ACTN1: variants seen among roughly 807,000 people sequenced by gnomAD.
ACTN1 encodes the protein actinin alpha 1.
A neutral mutation model predicts 119.6 loss-of-function variants in ACTN1; 30 were observed. The ratio of observed to expected loss-of-function variants is 0.25; its 90% confidence interval spans 0.19 to 0.34. The LOEUF is 0.34. Ranked by LOEUF, ACTN1 falls within the 10% of genes least tolerant of loss-of-function variation. The probability of loss-of-function intolerance (pLI) is 1.00; values close to 1 mark genes in which losing one functional copy is unlikely to be tolerated. For missense variants in ACTN1, 764 were observed against 1,223.4 expected, an observed-to-expected ratio of 0.62 and a Z score of 5.60; for synonymous variants, 429 against 472.6, an observed-to-expected ratio of 0.91 and a Z score of 1.20.
At position 68,936,632 on chromosome 14, in the gene ACTN1, G is replaced by A. The variant is rs141236995; in HGVS notation, c.106-10960C>T. The A allele has an allele frequency of 2.3e-3, 1,381 of 604,436 alleles. 15 individuals carry two copies. The highest frequency in any genetic ancestry group is 0.023 in the African/African-American group (1,213 of 53,524). The allele number at this position is 604,436 out of a possible 1,614,324, so 37.4% of individuals were successfully genotyped here. A position where few individuals can be genotyped will look rare whatever the true frequency, so the allele number is the denominator to read the frequency against. ...AACCTTCCAAAAGCACCGAGAGTTC[G>A]TGGCAGAGCCCATGGGGGAAGAGCC... On this transcript the variant is annotated intron_variant, in intron 1 of 21. Transcript: ENST00000394419.
rs375404300 is a variant in ACTN1, at chr14:68,937,379, G to A, written c.106-11707C>T. Among the ~76,000 whole-genome samples the A allele has an allele frequency of 1.5e-4, 23 of 151,932 alleles. No individual in the cohort carries two copies. The East Asian group carries it at 2.9e-3, about 19-fold the overall frequency. On this transcript the variant is annotated intron_variant, in intron 1 of 21. Transcript: ENST00000394419. ...GACAAGGCTCAGGTATTATGGAGGA[G>A]GAAAAAGGATGTTTCCAAAATAAAG...
chr14:68,918,863 G>A (rs186744439), intron 3 of ACTN1, among the ~76,000 whole-genome samples: 4 of 152,320 alleles, frequency 2.6e-5, no homozygotes, highest in Admixed American at 2.0e-4. Flanking sequence ...CTGCCACATA[G>A]AAGCAGTCTG....
At chr14:68,892,838 GA>G (rs1197213586) in intron 9 of ACTN1, among the ~76,000 whole-genome samples, 5 of 152,144 alleles carry the variant, frequency 3.3e-5, no homozygotes, top group African/African-American at 1.2e-4. Flanking sequence ...GGAGAAGGTG[GA>G]GGGGTGCACA....
At chr14:68,914,702 A>G (rs903342135) in intron 3 of ACTN1, among the ~76,000 whole-genome samples, 14 of 152,096 alleles carry the variant, frequency 9.2e-5, no homozygotes, top group African/African-American at 3.4e-4. Context: ...CCAGGAGCTC[A>G]AGGTTGCAGT....
rs2034624698 is a variant in ACTN1, at chr14:68,921,176, G to A, written c.221-51C>T. The A allele has an allele frequency of 3.1e-6, 5 of 1,604,606 alleles. No homozygotes were observed. The East Asian group carries it at 1.1e-4, about 36-fold the overall frequency. ...GGAAGGTGAGACGCTATGAGCCAGG[G>A]GCCAGAGCTACTACCACTACACCCT... On this transcript the variant is annotated intron_variant, in intron 2 of 21. Transcript: ENST00000394419.
chr14:68,905,982 C>CAA (rs755762604), intron 6 of ACTN1, among the ~76,000 whole-genome samples: 2,563 of 96,006 alleles, frequency 0.027, 90 homozygotes, highest in African/African-American at 0.086. Flanking sequence ...GACCTCGTCT[C>CAA]AAAAAAAAAA....
intron 3 of ACTN1, among the ~76,000 whole-genome samples, chr14:68,917,601 C>T (rs563474895): frequency 1.3e-5 from 2 of 152,296 alleles, no homozygotes; most frequent in African/African-American, 4.8e-5. Context: ...CTTTTAAAAG[C>T]CCACAAAACG....
intron 1 of ACTN1, among the ~76,000 whole-genome samples, chr14:68,936,431 G>T (rs535718771): frequency 6.6e-6 from 1 of 152,124 alleles, no homozygotes; most frequent in Non-Finnish European, 1.5e-5. Context: ...AAGGCAGGGG[G>T]TAGAGAACAC....
chr14:68,966,922 G>C (rs2036725695), intron 1 of ACTN1, among the ~76,000 whole-genome samples: 1 of 152,234 alleles, frequency 6.6e-6, no homozygotes, highest in Admixed American at 6.5e-5. Flanking sequence ...AGGATGAAGA[G>C]GGACATGTCA....
intron 1 of ACTN1, among the ~76,000 whole-genome samples, chr14:68,945,304 G>C (rs1428215958): frequency 7.9e-5 from 12 of 151,542 alleles, no homozygotes; most frequent in Non-Finnish European, 1.5e-4. Flanking sequence ...GAGGGAAGAA[G>C]AGGGTGCCAG....
At chr14:68,891,590 G>A (rs2032493830) in intron 10 of ACTN1, among the ~76,000 whole-genome samples, 1 of 151,904 alleles carries the variant, frequency 6.6e-6, no homozygotes, top group Admixed American at 6.6e-5. Flanking sequence ...TAATTTCCAT[G>A]TTCTGTATTT....
chr14:68,898,977 C>T (rs61985077), intron 8 of ACTN1, among the ~76,000 whole-genome samples: 20,339 of 147,006 alleles, frequency 0.14, 1,590 homozygotes, highest in African/African-American at 0.2. Context: ...ACACCACACA[C>T]GCCACACCTC....
chr14:68,887,646 G>A, intron 11 of ACTN1: 2 of 1,277,788 alleles, frequency 1.6e-6, no homozygotes, highest in South Asian at 1.3e-5. Flanking sequence ...AAAATGGGAT[G>A]AGGTGGGATA....
intron 1 of ACTN1, among the ~76,000 whole-genome samples, chr14:68,966,652 G>T (rs922029305): frequency 3.3e-5 from 5 of 152,188 alleles, no homozygotes; most frequent in Non-Finnish European, 7.4e-5. Flanking sequence ...CAGGAGGCAG[G>T]TGAAAGCTTT....
At chr14:68,933,134 TTTA>T (rs59982748) in intron 1 of ACTN1, among the ~76,000 whole-genome samples, 1 of 151,986 alleles carries the variant, frequency 6.6e-6, no homozygotes, top group Non-Finnish European at 1.5e-5. Flanking sequence ...TTGTATTTTT[TTTA>T]TTATTATTAT....
chr14:68,893,887 T>G, intron 8 of ACTN1, 140 bp from the exon 9 acceptor site: 1 of 725,670 alleles, frequency 1.4e-6, no homozygotes, highest in Non-Finnish European at 2.3e-6. Flanking sequence ...TGAGGTCACA[T>G]TCCTCCTCTC....
At chr14:68,912,932 GCCACCCACA>G (rs2034089160) in intron 3 of ACTN1, among the ~76,000 whole-genome samples, 1 of 152,142 alleles carries the variant, frequency 6.6e-6, no homozygotes, top group African/African-American at 2.4e-5. Context: ...TCTCAAAATA[GCCACCCACA>G]CGTGGAAAAA....
At chr14:68,966,524 G>A (rs1167723165) in intron 1 of ACTN1, among the ~76,000 whole-genome samples, 1 of 152,166 alleles carries the variant, frequency 6.6e-6, no homozygotes. Context: ...TCCTGTTCCT[G>A]GGGGACAAGA....
chr14:68,958,943 C>A (rs573101616), intron 1 of ACTN1, among the ~76,000 whole-genome samples: 1 of 152,174 alleles, frequency 6.6e-6, no homozygotes, highest in Non-Finnish European at 1.5e-5. Flanking sequence ...GTGGGCCAGG[C>A]TCTCATTTTC....
Sources: gnomAD v4.1 joint callset for allele counts (sites outside exome capture counted in the v4.1 genomes callset) on GRCh38, gnomAD v4.1.1 for gene constraint, MANE v1.5 for transcripts, NCBI Gene and HGNC (gene_info 2026-07-23, HGNC 2026-07-21) for gene names.